Variants in DPP6 observed in about 807,000 individuals in gnomAD.
DPP6 encodes dipeptidyl peptidase like 6.
Under a neutral mutation model 122.6 loss-of-function variants are expected in DPP6, and 69 were observed. The ratio of observed to expected loss-of-function variants is 0.56; its 90% confidence interval spans 0.46 to 0.69. The LOEUF (loss-of-function observed/expected upper bound fraction) is 0.69. Ranked by LOEUF, DPP6 falls within the 30% of genes least tolerant of loss-of-function variation. The pLI, the probability that DPP6 is intolerant of heterozygous loss-of-function variation, is 0.00. For missense variants in DPP6, 928 were observed against 1,116.9 expected (o/e 0.83, Z 2.41); for synonymous variants, 418 against 433.1 (o/e 0.97, Z 0.43).
chr7:153,831,957 G>T, the DPP6 span, among the ~76,000 whole-genome samples: 1 of 152,198 alleles, frequency 6.6e-6, no homozygotes, highest in Non-Finnish European at 1.5e-5. Flanking sequence ...ATTTCATAAA[G>T]TTCCCTCTGG....
At chr7:154,734,775 C>G (rs1282585479) in intron 8 of DPP6, among the ~76,000 whole-genome samples, 2 of 152,178 alleles carry the variant, frequency 1.3e-5, no homozygotes, top group East Asian at 3.9e-4. Flanking sequence ...CACGTAAAAG[C>G]TGTATGAACT....
At chr7:154,716,453 G>A (rs1327981011) in intron 7 of DPP6, among the ~76,000 whole-genome samples, 1 of 152,124 alleles carries the variant, frequency 6.6e-6, no homozygotes, top group Non-Finnish European at 1.5e-5. Flanking sequence ...CATCTGAAGA[G>A]TTCTCCCTTC....
At chr7:154,598,177 A>G (rs1336246098) in intron 5 of DPP6, among the ~76,000 whole-genome samples, 1 of 152,252 alleles carries the variant, frequency 6.6e-6, no homozygotes, top group East Asian at 1.9e-4. Context: ...TACCAAAATC[A>G]GGACCAAGTT....
intron 6 of DPP6, among the ~76,000 whole-genome samples, chr7:154,652,669 C>T (rs879375876): frequency 2.6e-5 from 4 of 152,066 alleles, no homozygotes; most frequent in African/African-American, 9.7e-5. Flanking sequence ...CCCTGCTGTT[C>T]GTTCTGAGCA....
At chr7:154,530,392 C>G (rs1359747674) in intron 3 of DPP6, among the ~76,000 whole-genome samples, 3 of 152,036 alleles carry the variant, frequency 2.0e-5, no homozygotes, top group South Asian at 2.1e-4. Context: ...ACAGCTCAAT[C>G]TAAAGCACAT....
intron 2 of DPP6, among the ~76,000 whole-genome samples, chr7:154,448,639 C>T (rs1357341269): frequency 6.6e-6 from 1 of 152,092 alleles, no homozygotes; most frequent in Non-Finnish European, 1.5e-5. Context: ...AAAAACAATT[C>T]AAAGACTTAT....
intron 1 of DPP6, among the ~76,000 whole-genome samples, chr7:154,147,308 T>C (rs1354123981): frequency 6.6e-6 from 1 of 152,212 alleles, no homozygotes; most frequent in East Asian, 1.9e-4. Context: ...GTCCAGTCTT[T>C]TCTTTGTCTT....
At chr7:153,846,687 C>CTTTTT in the DPP6 span, among the ~76,000 whole-genome samples, 217 of 78,210 alleles carry the variant, frequency 2.8e-3, 2 homozygotes, top group African/African-American at 3.4e-3. Context: ...TGGCTTGGTT[C>CTTTTT]TTTTTTTTTT....
chr7:154,146,881 C>A (rs1407137083), intron 1 of DPP6, among the ~76,000 whole-genome samples: 1 of 152,000 alleles, frequency 6.6e-6, no homozygotes, highest in East Asian at 1.9e-4. Context: ...GCACTTCCTC[C>A]CTGTCCAGGG....
chr7:154,583,512 C>A (rs1430522601), intron 5 of DPP6, among the ~76,000 whole-genome samples: 1 of 152,162 alleles, frequency 6.6e-6, no homozygotes, highest in East Asian at 1.9e-4. Context: ...TCTTCTCTTG[C>A]GCACTCACCC....
intron 1 of DPP6, among the ~76,000 whole-genome samples, chr7:154,189,577 A>T (rs1371889324): frequency 6.6e-6 from 1 of 152,156 alleles, no homozygotes; most frequent in Non-Finnish European, 1.5e-5. Flanking sequence ...GGGAGAGGTC[A>T]TGGGGTTGCA....
intron 1 of DPP6, among the ~76,000 whole-genome samples, chr7:153,918,452 ACACACACACACACACT>A (rs1170410505): frequency 9.5e-5 from 13 of 137,466 alleles, no homozygotes; most frequent in South Asian, 2.8e-4. Flanking sequence ...ACACACACAC[ACACACACACACACACT>A]CTCTCTCTCT....
intron 1 of DPP6, among the ~76,000 whole-genome samples, chr7:154,443,677 AGTGGATGGATGG>A (rs1489674796): frequency 6.7e-6 from 1 of 148,324 alleles, no homozygotes; most frequent in Non-Finnish European, 1.5e-5. Flanking sequence ...TGGATGGATG[AGTGGATGGATGG>A]GTGAATGGAT....
the DPP6 span, among the ~76,000 whole-genome samples, chr7:153,871,552 C>A: frequency 1.3e-5 from 2 of 152,316 alleles, no homozygotes; most frequent in East Asian, 3.9e-4. Flanking sequence ...CCGTCTGTCA[C>A]CCCTTTCTTT....
chr7:154,609,604 C>T (rs1372036045), intron 5 of DPP6, among the ~76,000 whole-genome samples: 1 of 152,256 alleles, frequency 6.6e-6, no homozygotes, highest in East Asian at 1.9e-4. Flanking sequence ...CACACATATA[C>T]TTTTACACAT....
At chr7:153,988,636 G>A (rs1796966710) in intron 1 of DPP6, among the ~76,000 whole-genome samples, 1 of 152,174 alleles carries the variant, frequency 6.6e-6, no homozygotes, top group African/African-American at 2.4e-5. Context: ...AGCTCAGAGC[G>A]GGGCCCGGAG....
chr7:153,992,520 TC>T (rs1797228075), intron 1 of DPP6, among the ~76,000 whole-genome samples: 1 of 152,102 alleles, frequency 6.6e-6, no homozygotes, highest in African/African-American at 2.4e-5. Flanking sequence ...ATCACTTGCA[TC>T]CTCCATGATT....
chr7:154,878,724 G>A (rs1029449116), intron 20 of DPP6, among the ~76,000 whole-genome samples: 12 of 151,634 alleles, frequency 7.9e-5, no homozygotes, highest in Non-Finnish European at 1.2e-4. Context: ...GGAAGGCAGC[G>A]GGCAGCTGTG....
intron 1 of DPP6, among the ~76,000 whole-genome samples, chr7:154,166,654 T>A (rs548909820): frequency 7.2e-6 from 1 of 138,176 alleles, no homozygotes; most frequent in South Asian, 2.2e-4. Flanking sequence ...GCTCATGCTG[T>A]AATCCCGGCA....
Sources: allele counts gnomAD v4.1 joint callset (sites outside exome capture counted in the v4.1 genomes callset), GRCh38; gene constraint gnomAD v4.1.1; transcripts MANE v1.5; gene names NCBI Gene and HGNC (gene_info 2026-07-23, HGNC 2026-07-21).